Variants in APLP2 observed in about 807,000 individuals in gnomAD.
The protein encoded by APLP2 is amyloid beta precursor like protein 2, also known as CDEI box-binding protein.
APLP2 carries 53 observed loss-of-function variants against 89.9 expected under a neutral mutation model. The observed-to-expected ratio is 0.59, with a 90% CI of 0.47 to 0.74. The LOEUF is 0.74. APLP2 is among the 30% of genes least tolerant of loss of function. APLP2 has a pLI of 0.00. For missense variants in APLP2, 973 were observed against 975.9 expected, an observed-to-expected ratio of 1.00 and a Z score of 0.04; for synonymous variants, 372 against 348.6, an observed-to-expected ratio of 1.07 and a Z score of -0.75.
intron 1 of APLP2, among the ~76,000 whole-genome samples, chr11:130,103,715 C>T (rs1947254475): frequency 6.6e-6 from 1 of 152,064 alleles, no homozygotes; most frequent in Non-Finnish European, 1.5e-5. Flanking sequence ...GCTTGGGTGA[C>T]CTCATGTAAC....
chr11:130,127,818 CAG>C lies in APLP2; in HGVS notation c.1279_1280del (p.Arg427AlafsTer12). The C allele has an allele frequency of 6.2e-7, 1 of 1,614,126 alleles. No individual in the cohort carries two copies. The highest frequency in any genetic ancestry group is 2.2e-5 in the East Asian group (1 of 44,878). ...CTTCAAGCTAAGAACCTCCCCAAAG[CAG>C]AGAGGCAGACTCTGATTCAGGTAAG... On this transcript the variant is annotated frameshift_variant, in exon 9 of 17. Transcript: ENST00000338167. LOFTEE classifies it high-confidence loss of function.
chr11:130,124,348 A>G (rs779036307), intron 7 of APLP2, among the ~76,000 whole-genome samples: 14 of 152,162 alleles, frequency 9.2e-5, no homozygotes, highest in Non-Finnish European at 1.0e-4. Context: ...TGTTTCTTCA[A>G]TATTTTGCAA....
chr11:130,070,505 C>G, intron 1 of APLP2: 1 of 1,214,834 alleles, frequency 8.2e-7, no homozygotes, highest in Non-Finnish European at 1.0e-6. Context: ...ACCCCGTACG[C>G]TCCCTCGCGC....
intron 1 of APLP2, among the ~76,000 whole-genome samples, chr11:130,084,910 C>G (rs1273869509): frequency 1.3e-5 from 2 of 151,926 alleles, no homozygotes; most frequent in Admixed American, 1.3e-4. Flanking sequence ...AATTGACAAA[C>G]CCTTGGCTAG....
chr11:130,122,219 T>C, intron 5 of APLP2, 86 bp from the exon 6 acceptor site: 1 of 1,476,878 alleles, frequency 6.8e-7, no homozygotes. Flanking sequence ...CCTCTGTTTT[T>C]GTGTTTCAGA....
chr11:130,078,414 T>G (rs1942511100), intron 1 of APLP2, among the ~76,000 whole-genome samples: 1 of 136,864 alleles, frequency 7.3e-6, no homozygotes, highest in Non-Finnish European at 1.5e-5. Flanking sequence ...GTGGTTTGCC[T>G]TTTCACTCTT....
intron 7 of APLP2, among the ~76,000 whole-genome samples, chr11:130,126,298 G>T (rs1950358735): frequency 6.6e-6 from 1 of 152,198 alleles, no homozygotes; most frequent in African/African-American, 2.4e-5. Context: ...GCATAAAAGT[G>T]CCTCTACAGG....
chr11:130,082,478 C>G (rs895971525), intron 1 of APLP2: 1 of 154,176 alleles, frequency 6.5e-6, no homozygotes, highest in Non-Finnish European at 1.4e-5. Context: ...GCCACCTCAT[C>G]CGGTCTCAGT....
At chr11:130,124,040 C>T (rs887762796) in intron 7 of APLP2, among the ~76,000 whole-genome samples, 24 of 152,118 alleles carry the variant, frequency 1.6e-4, no homozygotes, top group Non-Finnish European at 2.9e-4. Flanking sequence ...CTTGGTATAG[C>T]GGGCAGCACA....
At position 130,109,432 on chromosome 11, in the gene APLP2, C is replaced by G; in HGVS notation, c.109C>G (p.Leu37Val). ...GCAATTTTTTTCCCTTTGGTAGGCT[C>G]TTGCAGCCAATGCCGGAACAGGATT... ...ALALAGYIEALAANAGTGFAV... is the reference protein window; with the variant it reads ...ALALAGYIEAVAANAGTGFAV... The change falls in exon 2 of 17, where the codon CTT becomes GTT. Residue 37 changes from leucine to valine, a missense_variant. Leu to Val is a conservative substitution (Grantham distance 32, BLOSUM62 1). Coordinates refer to ENST00000338167, the MANE Select transcript of APLP2 (RefSeq NM_001142276.2). The G allele has an allele frequency of 6.2e-7, 1 of 1,610,054 alleles. No homozygotes were observed. Among genetic ancestry groups the G allele is most frequent in the Non-Finnish European group, 8.5e-7 (1 of 1,178,216 alleles).
At position 130,120,832 on chromosome 11, in the gene APLP2, G is replaced by A. The variant is rs756588872; in HGVS notation, c.516+14G>A. 3.2e-6 allele frequency: 5 copies of A among 1,584,334 alleles called. No homozygotes were observed. Among genetic ancestry groups the A allele is most frequent in the East Asian group, 2.2e-5 (1 of 44,728 alleles). ...GTAGTCAAAGAGGTAAGAGAACTCG[G>A]GGGGAAAGTCAGCTGCTGTTGTATC... On this transcript the variant is annotated intron_variant, in intron 4 of 16. Coordinates refer to ENST00000338167, the MANE Select transcript of APLP2 (RefSeq NM_001142276.2).
chr11:130,071,000 C>G (rs1591745956), intron 1 of APLP2, among the ~76,000 whole-genome samples: 1 of 152,238 alleles, frequency 6.6e-6, no homozygotes, highest in African/African-American at 2.4e-5. Context: ...AGGAGCCCTG[C>G]TGTGGCCGAG....
intron 11 of APLP2, among the ~76,000 whole-genome samples, chr11:130,132,078 A>G (rs535050709): frequency 1.3e-5 from 2 of 152,236 alleles, no homozygotes; most frequent in East Asian, 3.9e-4. Context: ...CTGTAGAGAC[A>G]CTAATTTGCA....
intron 1 of APLP2, among the ~76,000 whole-genome samples, chr11:130,092,282 C>T (rs1364244438): frequency 1.9e-4 from 25 of 133,384 alleles, no homozygotes; most frequent in Admixed American, 5.0e-4. Flanking sequence ...AGATGATGGG[C>T]GGCCAGGCAG....
At chr11:130,091,006 C>T in intron 1 of APLP2, among the ~76,000 whole-genome samples, 1 of 149,392 alleles carries the variant, frequency 6.7e-6, no homozygotes, top group African/African-American at 2.4e-5. Context: ...ACCCCCCCAC[C>T]TCCCTCCCGG....
chr11:130,142,102 C>A (rs370534803), intron 16 of APLP2, 28 bp downstream of exon 16: 172 of 1,593,248 alleles, frequency 1.1e-4, no homozygotes, highest in Non-Finnish European at 1.3e-4. Context: ...TGAGGGCCTG[C>A]TCTGCACTGT....
chr11:130,093,244 C>T (rs1043023259), intron 1 of APLP2, among the ~76,000 whole-genome samples: 1 of 152,164 alleles, frequency 6.6e-6, no homozygotes. Flanking sequence ...CTTAGTGTTC[C>T]CTTCTTAAAT....
intron 1 of APLP2, among the ~76,000 whole-genome samples, chr11:130,088,736 T>A (rs976708314): frequency 6.6e-6 from 1 of 152,008 alleles, no homozygotes; most frequent in Non-Finnish European, 1.5e-5. Flanking sequence ...ATAATTTGTG[T>A]CCTTTTTTTT....
chr11:130,133,796 G>A, intron 12 of APLP2, 68 bp downstream of exon 12: 1 of 1,255,342 alleles, frequency 8.0e-7, no homozygotes, highest in South Asian at 1.2e-5. Context: ...TGAAAGCTGG[G>A]CAAGAGTAGA....
Sources: gnomAD v4.1 joint callset for allele counts (sites outside exome capture counted in the v4.1 genomes callset) on GRCh38, gnomAD v4.1.1 for gene constraint, MANE v1.5 for transcripts, NCBI Gene and HGNC (gene_info 2026-07-23, HGNC 2026-07-21) for gene names.